COA1: variants seen among roughly 807,000 people sequenced by gnomAD.
The protein encoded by COA1 is cytochrome c oxidase assembly factor 1 homolog.
In COA1, 13 loss-of-function variants were observed where a neutral mutation model predicts 16.0. That is an observed-to-expected ratio of 0.81 (90% CI 0.53 to 1.29). The LOEUF is 1.29. Among genes scored for constraint, COA1 ranks in the 50% most tolerant of loss-of-function variants. COA1 has a pLI of 0.00. For synonymous variants in COA1, 65 were observed against 65.7 expected (o/e 0.99, Z 0.05); for missense variants, 179 against 177.0 (o/e 1.01, Z -0.06).
intron 1 of COA1, among the ~76,000 whole-genome samples, chr7:43,678,095 A>C (rs1345744401): frequency 3.3e-5 from 5 of 152,304 alleles, no homozygotes; most frequent in African/African-American, 1.2e-4. Flanking sequence ...TTTTCCTATT[A>C]CTAATAACAG....
intron 1 of COA1, among the ~76,000 whole-genome samples, chr7:43,687,636 CAT>C (rs1563368562): frequency 6.6e-6 from 1 of 152,142 alleles, no homozygotes; most frequent in African/African-American, 2.4e-5. Flanking sequence ...GTTCAAAACA[CAT>C]GATAAAAGTT....
intron 6 of COA1, among the ~76,000 whole-genome samples, chr7:43,630,262 G>A (rs1050944676): frequency 6.6e-6 from 1 of 152,068 alleles, no homozygotes; most frequent in Non-Finnish European, 1.5e-5. Context: ...TTGGGGAGCA[G>A]CTTATTTTAC....
chr7:43,695,411 G>A (rs2094496490), intron 1 of COA1, among the ~76,000 whole-genome samples: 1 of 151,874 alleles, frequency 6.6e-6, no homozygotes, highest in African/African-American at 2.4e-5. Flanking sequence ...TATTCTCTCT[G>A]CCAGGAATCT....
At chr7:43,638,550 C>T (rs749635044), downstream of COA1, among the ~76,000 whole-genome samples, 9 of 148,784 alleles carry the variant, frequency 6.0e-5, no homozygotes, top group Non-Finnish European at 1.0e-4. Context: ...CCTTCCCTTT[C>T]CCTTCTTTTT....
intron 1 of COA1, among the ~76,000 whole-genome samples, chr7:43,699,687 G>A (rs2094645188): frequency 6.6e-6 from 1 of 152,144 alleles, no homozygotes; most frequent in African/African-American, 2.4e-5. Flanking sequence ...AGCATATTTA[G>A]AATGCTGTCA....
intron 1 of COA1, among the ~76,000 whole-genome samples, chr7:43,726,679 T>C (rs2095623824): frequency 6.6e-6 from 1 of 152,208 alleles, no homozygotes. Context: ...CATCACTCTC[T>C]AAACCACAGC....
intron 1 of COA1, among the ~76,000 whole-genome samples, chr7:43,729,043 C>T (rs116848763): frequency 8.5e-5 from 13 of 152,274 alleles, no homozygotes; most frequent in Middle Eastern, 3.4e-3. Flanking sequence ...TAATTCTTTC[C>T]TACAATAATT....
chr7:43,692,484 C>T (rs1281821364), intron 1 of COA1, among the ~76,000 whole-genome samples: 1 of 152,012 alleles, frequency 6.6e-6, no homozygotes, highest in African/African-American at 2.4e-5. Flanking sequence ...CGTCACTGCA[C>T]TACAGCCTAG....
chr7:43,681,770 C>A (rs537513991), intron 1 of COA1, among the ~76,000 whole-genome samples: 6 of 152,288 alleles, frequency 3.9e-5, no homozygotes, highest in Non-Finnish European at 8.8e-5. Flanking sequence ...CCTTTCTTCT[C>A]ATATTATGAG....
chr7:43,676,632 T>C (rs1021724352), intron 1 of COA1, among the ~76,000 whole-genome samples: 1 of 152,140 alleles, frequency 6.6e-6, no homozygotes, highest in Non-Finnish European at 1.5e-5. Context: ...ACATAATATA[T>C]AGTTTCAAAC....
chr7:43,642,928 C>T (rs2087572618), intron 4 of COA1, among the ~76,000 whole-genome samples: 1 of 152,176 alleles, frequency 6.6e-6, no homozygotes, highest in African/African-American at 2.4e-5. Flanking sequence ...TACAGGCATC[C>T]TCACAAACCG....
chr7:43,644,748 A>AGATAGATAGACAGATG (rs1554501246), intron 4 of COA1, among the ~76,000 whole-genome samples: 1 of 90,284 alleles, frequency 1.1e-5, no homozygotes, highest in Non-Finnish European at 2.6e-5. Flanking sequence ...ATAGATAGAT[A>AGATAGATAGACAGATG]GATAGATAGA....
At chr7:43,727,935 T>C (rs148101445) in intron 1 of COA1, among the ~76,000 whole-genome samples, 10 of 152,294 alleles carry the variant, frequency 6.6e-5, no homozygotes, top group Admixed American at 1.3e-4. Context: ...TTGTACAACT[T>C]TGTGAATGTA....
intron 1 of COA1, among the ~76,000 whole-genome samples, chr7:43,705,584 C>A (rs1223150936): frequency 6.6e-6 from 1 of 152,192 alleles, no homozygotes; most frequent in Non-Finnish European, 1.5e-5. Flanking sequence ...CACAAGCAAG[C>A]CAGCCCTCTA....
At chr7:43,644,238 T>A (rs2088059593) in intron 4 of COA1, among the ~76,000 whole-genome samples, 1 of 152,182 alleles carries the variant, frequency 6.6e-6, no homozygotes, top group Non-Finnish European at 1.5e-5. Flanking sequence ...CCTCACCCTG[T>A]CTTACTCAGG....
chr7:43,684,045 C>T (rs750370887), intron 1 of COA1, among the ~76,000 whole-genome samples: 2 of 152,114 alleles, frequency 1.3e-5, no homozygotes, highest in Non-Finnish European at 2.9e-5. Flanking sequence ...CTACTGTCGG[C>T]TAGAATCTAA....
chr7:43,640,322 T>A (rs553200026), intron 5 of COA1, among the ~76,000 whole-genome samples: 1 of 152,380 alleles, frequency 6.6e-6, no homozygotes, highest in Non-Finnish European at 1.5e-5. Flanking sequence ...CAGATCACTA[T>A]AACTGGAAAG....
intron 1 of COA1, among the ~76,000 whole-genome samples, chr7:43,726,993 A>G (rs2095629665): frequency 1.3e-5 from 2 of 152,248 alleles, no homozygotes; most frequent in Non-Finnish European, 2.9e-5. Context: ...TCAAAAAGTT[A>G]GGAGATTTTT....
At chr7:43,636,436 T>C (rs1372938960), downstream of COA1, among the ~76,000 whole-genome samples, 1 of 152,182 alleles carries the variant, frequency 6.6e-6, no homozygotes, top group Non-Finnish European at 1.5e-5. Context: ...AGGCAAGTGA[T>C]TGGTAAATAT....
Sources: gnomAD v4.1 joint callset for allele counts (sites outside exome capture counted in the v4.1 genomes callset) on GRCh38, gnomAD v4.1.1 for gene constraint, MANE v1.5 for transcripts, NCBI Gene and HGNC (gene_info 2026-07-23, HGNC 2026-07-21) for gene names.